ABHD6: variants seen among roughly 807,000 people sequenced by gnomAD.
ABHD6 encodes abhydrolase domain containing 6, acylglycerol lipase.
A neutral mutation model predicts 38.8 loss-of-function variants in ABHD6; 33 were observed. The observed-to-expected ratio is 0.85, with a 90% CI of 0.64 to 1.14. The LOEUF (loss-of-function observed/expected upper bound fraction) is 1.14. ABHD6 is among the 50% of genes most tolerant of loss of function. ABHD6 has a pLI of 0.00. For missense variants in ABHD6, 380 were observed against 422.6 expected, an observed-to-expected ratio of 0.90 and a Z score of 0.88; for synonymous variants, 147 against 161.6, an observed-to-expected ratio of 0.91 and a Z score of 0.69.
chr3:58,255,022 G>A (rs962279291), intron 2 of ABHD6, among the ~76,000 whole-genome samples: 4 of 151,958 alleles, frequency 2.6e-5, no homozygotes, highest in Non-Finnish European at 4.4e-5. Flanking sequence ...CCAGCCTGAA[G>A]TATTTTTCAT....
chr3:58,255,439 C>G (rs2107434448), intron 2 of ABHD6, among the ~76,000 whole-genome samples: 1 of 149,364 alleles, frequency 6.7e-6, no homozygotes, highest in Non-Finnish European at 1.5e-5. Flanking sequence ...TATATTTGTT[C>G]ATTGATTTCT....
At chr3:58,237,984 G>A (rs1222822152) in intron 1 of ABHD6, 68 bp downstream of exon 1, 4 of 152,594 alleles carry the variant, frequency 2.6e-5, no homozygotes, top group East Asian at 1.9e-4. Flanking sequence ...ATGGCCCCGT[G>A]ACCTCTCCCC....
Position 58,285,371 on chromosome 3 carries a change from G to T in ABHD6, c.755G>T (p.Ser252Ile), listed in dbSNP as rs1343082928. 6.2e-7 allele frequency: 1 copy of T among 1,614,162 alleles called. No homozygotes were observed. Among genetic ancestry groups the T allele is most frequent in the Non-Finnish European group, 8.5e-7 (1 of 1,180,008 alleles). The stretch of plus-strand genomic sequence containing the variant: ...TGACAAGTGTTTTTGGAAATCGTCA[G>T]TGAGAAGTCCAGATACTCTCTCCAT... ...FYRKLFLEIV[S>I]EKSRYSLHQN... Residue 252 changes from serine to isoleucine, a missense_variant, in exon 9 of 10, where the codon AGT (serine) becomes ATT (isoleucine). Ser to Ile is a moderately radical substitution (Grantham distance 142). Coordinates refer to ENST00000478253, the MANE Select transcript of ABHD6 (RefSeq NM_001320126.2). The surrounding 1 kb of genome is among the most constrained non-coding windows in gnomAD (Gnocchi z 4.9).
At chr3:58,253,057 A>G (rs1161487628) in intron 2 of ABHD6, among the ~76,000 whole-genome samples, 1 of 152,212 alleles carries the variant, frequency 6.6e-6, no homozygotes, top group African/African-American at 2.4e-5. Context: ...ATGTTCTACA[A>G]AAGCTGCTTA....
At chr3:58,275,111 G>A (rs1339268394) in intron 7 of ABHD6, among the ~76,000 whole-genome samples, 4 of 152,144 alleles carry the variant, frequency 2.6e-5, no homozygotes, top group Non-Finnish European at 4.4e-5. Flanking sequence ...TGAAGATGGT[G>A]TAGTGATTGA....
chr3:58,242,114 G>C (rs1303553339), intron 1 of ABHD6, among the ~76,000 whole-genome samples: 1 of 152,164 alleles, frequency 6.6e-6, no homozygotes, highest in Non-Finnish European at 1.5e-5. Flanking sequence ...GCCGGGGAGA[G>C]AGGAGCAGGT....
rs2097443396 is a variant in ABHD6, at chr3:58,269,607, A to G, written c.390+173A>G. Among the ~76,000 whole-genome samples the G allele has an allele frequency of 1.3e-5, 2 of 152,240 alleles. No homozygotes were observed. The highest frequency in any genetic ancestry group is 2.1e-4 in the South Asian group (1 of 4,834). ...AACCTGATGATATCTCTGGTTGGCA[A>G]TGGAGGGCCAGGGCTTATTACAGAC... On this transcript the variant is annotated intron_variant, in intron 5 of 9. Coordinates refer to ENST00000478253, the MANE Select transcript of ABHD6 (RefSeq NM_001320126.2). The surrounding 1 kb of genome is among the most constrained non-coding windows in gnomAD (Gnocchi z 4.4).
chr3:58,275,669 G>T (rs1020172913), intron 7 of ABHD6, among the ~76,000 whole-genome samples: 4 of 152,050 alleles, frequency 2.6e-5, no homozygotes, highest in Admixed American at 2.6e-4. Context: ...TATACTTTAA[G>T]TTCTAGGGTG....
At position 58,293,717 on chromosome 3, in the gene ABHD6, C is replaced by A. The variant is rs2107487301; in HGVS notation, c.966C>A (p.Asp322Glu). Reference sequence around the variant, plus strand: ...GGAAGACAGCCAAGCTCATAATCGACTTTTTAGCTTCTGTGCACAACACAG... The same window carrying A: ...GGAAGACAGCCAAGCTCATAATCGAATTTTTAGCTTCTGTGCACAACACAG... ...RPRKTAKLII[D>E]FLASVHNTDN... Residue 322 changes from aspartate to glutamate, a missense_variant, in exon 10 of 10, where the codon GAC (aspartate) becomes GAA (glutamate). By Grantham distance (45) the Asp-to-Glu change is conservative. Coordinates refer to ENST00000478253, the MANE Select transcript of ABHD6 (RefSeq NM_001320126.2). This position sits in a 1 kb window ranked among gnomAD's most constrained non-coding sequence, Gnocchi z 4.4. 1.9e-6 allele frequency: 3 copies of A among 1,614,234 alleles called. No homozygotes were observed. Among genetic ancestry groups the A allele is most frequent in the Middle Eastern group, 1.6e-4 (1 of 6,062 alleles).
chr3:58,290,087 G>A (rs566499503), intron 9 of ABHD6, among the ~76,000 whole-genome samples: 21 of 120,462 alleles, frequency 1.7e-4, no homozygotes, highest in South Asian at 2.7e-4. Flanking sequence ...GCCGGGCAGA[G>A]AGGCTCCTCA....
At position 58,293,627 on chromosome 3, in the gene ABHD6, A is replaced by G. The variant is rs774528018; in HGVS notation, c.876A>G (p.Ser292=). The part of the protein sequence containing the change: ...DVSGADMLAK[S]IANCQVELLE... The stretch of plus-strand genomic sequence containing the variant: ...CTGGGGCAGACATGTTGGCCAAGTC[A>G]ATTGCCAACTGCCAGGTGGAGCTTC... Residue 292 remains serine, a synonymous_variant, in exon 10 of 10, where the codon TCA becomes TCG. Transcript: ENST00000478253. The surrounding 1 kb of genome is among the most constrained non-coding windows in gnomAD (Gnocchi z 4.4). 1 of 1,614,188 alleles carries G rather than the reference A, an allele frequency of 6.2e-7. No homozygotes were observed. Among genetic ancestry groups the G allele is most frequent in the East Asian group, 2.2e-5 (1 of 44,880 alleles).
In ABHD6 at chr3:58,256,030, A is replaced by AAAAT; in HGVS notation, c.-25-532_-25-531insAAAT. Among the ~76,000 whole-genome samples, 1 of 151,834 alleles carries AAAAT rather than the reference A, an allele frequency of 6.6e-6. No homozygotes were observed. Among genetic ancestry groups the AAAAT allele is most frequent in the Admixed American group, 6.6e-5 (1 of 15,184 alleles). ...CCTTCACCTGGATTCCCCAGTGGTT[A>AAAAT]GCATTTTACCATATTTGCTTTATTT... is the stretch of plus-strand genomic sequence containing the variant. On this transcript the variant is annotated intron_variant, in intron 2 of 9. Coordinates refer to ENST00000478253, the MANE Select transcript of ABHD6 (RefSeq NM_001320126.2). The surrounding 1 kb of genome is among the most constrained non-coding windows in gnomAD (Gnocchi z 4.3).
rs1347028153 is a variant in ABHD6 at position 58,257,625 on chromosome 3, A to C, written c.119+920A>C. Among the ~76,000 whole-genome samples, 4 of 152,080 alleles carry C rather than the reference A, an allele frequency of 2.6e-5. No homozygotes were observed. Among genetic ancestry groups the C allele is most frequent in the Non-Finnish European group, 5.9e-5 (4 of 68,000 alleles). On this transcript the variant is annotated intron_variant, in intron 3 of 9. Transcript: ENST00000478253. The surrounding 1 kb of genome is among the most constrained non-coding windows in gnomAD (Gnocchi z 4.8). ...TGATCCTCCCACCTCAGCCTCCCAA[A>C]GTGCTGGGATTACAGGTGTGAGCCA...
intron 6 of ABHD6, among the ~76,000 whole-genome samples, chr3:58,271,764 C>CTTTTTT (rs1302501356): frequency 7.9e-4 from 62 of 78,070 alleles, no homozygotes; most frequent in South Asian, 1.2e-3. Context: ...CCCCCTCTCT[C>CTTTTTT]TGTTTTTTTT....
chr3:58,289,692 C>T (rs912403763), intron 9 of ABHD6, among the ~76,000 whole-genome samples: 1 of 152,214 alleles, frequency 6.6e-6, no homozygotes, highest in Non-Finnish European at 1.5e-5. Context: ...ACCTTTCCCC[C>T]CTTTCTATTC....
intron 1 of ABHD6, among the ~76,000 whole-genome samples, chr3:58,247,357 A>G (rs1053986217): frequency 1.3e-5 from 2 of 151,992 alleles, no homozygotes; most frequent in East Asian, 3.9e-4. Flanking sequence ...GTGATAAGGG[A>G]AATGTTCTAT....
In ABHD6 at chr3:58,290,171, A is replaced by AC. The variant is rs1223542994; in HGVS notation, c.838-3411dup. ...GGGCGGCTGGCCGGGCGGGGGGCTG[A>AC]CCCCCCCACCTCCCTCCCGGACGGG... On this transcript the variant is annotated intron_variant, in intron 9 of 9. Coordinates refer to ENST00000478253, the MANE Select transcript of ABHD6 (RefSeq NM_001320126.2). Among the ~76,000 whole-genome samples the AC allele has an allele frequency of 3.6e-4, 27 of 75,308 alleles. 1 individual carries two copies. The highest frequency in any genetic ancestry group is 1.5e-3 in the African/African-American group (24 of 15,662). 49.4% of individuals were successfully genotyped at this position (75,308 alleles called of 152,430 possible).
chr3:58,290,086 AG>A (rs1221304550), intron 9 of ABHD6, among the ~76,000 whole-genome samples: 4 of 109,434 alleles, frequency 3.7e-5, no homozygotes, highest in Admixed American at 8.9e-5. Flanking sequence ...GGCCGGGCAG[AG>A]AGGCTCCTCA....
rs1468848291 is a variant in ABHD6 at position 58,265,062 on chromosome 3, G to C, written c.120-2127G>C. Among the ~76,000 whole-genome samples the C allele has an allele frequency of 2.0e-5, 3 of 151,884 alleles. No individual in the cohort carries two copies. Among genetic ancestry groups the C allele is most frequent in the Non-Finnish European group, 4.4e-5 (3 of 67,996 alleles). On this transcript the variant is annotated intron_variant, in intron 3 of 9. Coordinates refer to ENST00000478253, the MANE Select transcript of ABHD6 (RefSeq NM_001320126.2). This position sits in a 1 kb window ranked among gnomAD's most constrained non-coding sequence, Gnocchi z 4.2. ...CCCCTACCCCCAGCTACTCATCTCA[G>C]CCTCTGGTAACCATCCTTCTACTAT...
Sources: allele counts gnomAD v4.1 joint callset (sites outside exome capture counted in the v4.1 genomes callset), GRCh38; gene constraint gnomAD v4.1.1; non-coding constraint Gnocchi (gnomAD v3.1); transcripts MANE v1.5; gene names NCBI Gene and HGNC (gene_info 2026-07-23, HGNC 2026-07-21).